GALNT13: variants seen among roughly 807,000 people sequenced by gnomAD.
GALNT13 encodes polypeptide N-acetylgalactosaminyltransferase 13, also known as UDP-GalNAc:polypeptide N-acetylgalactosaminyltransferase 13.
A neutral mutation model predicts 64.2 loss-of-function variants in GALNT13; 28 were observed. The observed-to-expected ratio is 0.44, with a 90% CI of 0.32 to 0.60. GALNT13 has a LOEUF of 0.60. GALNT13 is among the 20% of genes least tolerant of loss of function. The pLI is 0.05. For synonymous variants in GALNT13, 214 were observed against 224.6 expected, an observed-to-expected ratio of 0.95 and a Z score of 0.42; for missense variants, 577 against 669.8, an observed-to-expected ratio of 0.86 and a Z score of 1.53.
chr2:154,438,608 C>A lies in GALNT13; in HGVS notation c.1412C>A (p.Ala471Asp), dbSNP rs115389363. ...TATTTTCAGGTATTTTCTTACACTG[C>A]TGACAAAGAAATCCGAACCGATGAC... ...MGGNQVFSYTADKEIRTDDLC... is the reference protein window; with the variant it reads ...MGGNQVFSYTDDKEIRTDDLC... The change falls in exon 12 of 13, where the codon GCT (alanine) becomes GAT (aspartate). Residue 471 changes from alanine (A) to aspartate (D), a missense_variant. This residue lies in a region of GALNT13 where 232 missense variants were observed against 270.6 expected (regional missense o/e 0.86). Coordinates refer to ENST00000392825, the MANE Select transcript of GALNT13 (RefSeq NM_052917.4). 74 of 1,611,324 alleles carry A rather than the reference C, an allele frequency of 4.6e-5. No homozygotes were observed. The East Asian group carries it at 7.8e-4, about 17-fold the overall frequency.
At chr2:153,643,721 G>A in the GALNT13 span, among the ~76,000 whole-genome samples, 1 of 151,868 alleles carries the variant, frequency 6.6e-6, no homozygotes, top group African/African-American at 2.4e-5. Context: ...TTCACAAACT[G>A]TTCAGAGTAT....
chr2:153,927,511 C>T (rs1163185992), intron 2 of GALNT13, among the ~76,000 whole-genome samples: 2 of 151,860 alleles, frequency 1.3e-5, no homozygotes, highest in African/African-American at 2.4e-5. Context: ...GGATTATACA[C>T]TCCATTATAT....
the GALNT13 span, among the ~76,000 whole-genome samples, chr2:153,436,241 T>C: frequency 1.3e-5 from 2 of 152,248 alleles, no homozygotes; most frequent in African/African-American, 2.4e-5. Flanking sequence ...AGTATTTTAT[T>C]GAGGATTTTT....
At chr2:153,630,808 T>TTTATTTA in the GALNT13 span, among the ~76,000 whole-genome samples, 828 of 16,702 alleles carry the variant, frequency 0.05, 23 homozygotes, top group Non-Finnish European at 0.069. Context: ...TATATATATA[T>TTTATTTA]TTTTTTTTTT....
chr2:153,976,772 T>A, intron 3 of GALNT13, among the ~76,000 whole-genome samples: 1 of 152,104 alleles, frequency 6.6e-6, no homozygotes, highest in East Asian at 1.9e-4. Context: ...ACTAAGTGAT[T>A]AATTCCCACA....
intron 4 of GALNT13, among the ~76,000 whole-genome samples, chr2:154,206,801 A>AC (rs1262669065): frequency 1.7e-4 from 26 of 148,838 alleles, no homozygotes; most frequent in African/African-American, 6.1e-4. Flanking sequence ...AACAACAACA[A>AC]AAAAAAAAAA....
chr2:153,417,581 T>G, the GALNT13 span, among the ~76,000 whole-genome samples: 1 of 152,170 alleles, frequency 6.6e-6, no homozygotes, highest in Non-Finnish European at 1.5e-5. Context: ...TATCAGGATT[T>G]TCTGGTAAAA....
intron 4 of GALNT13, among the ~76,000 whole-genome samples, chr2:154,155,687 A>T (rs1684372920): frequency 6.6e-6 from 1 of 152,024 alleles, no homozygotes; most frequent in South Asian, 2.1e-4. Flanking sequence ...TAATATTCTC[A>T]TCAGCTTGCA....
chr2:154,145,514 G>T (rs1459833753), intron 4 of GALNT13, among the ~76,000 whole-genome samples: 1 of 151,886 alleles, frequency 6.6e-6, no homozygotes, highest in East Asian at 1.9e-4. Context: ...TCAAGGGCTG[G>T]TATTGAGTGT....
the GALNT13 span, among the ~76,000 whole-genome samples, chr2:153,391,766 T>C: frequency 4.6e-5 from 7 of 151,904 alleles, no homozygotes. Context: ...TTCTGTGCCC[T>C]TTTACTCACA....
At chr2:153,920,830 T>G (rs2105335796) in intron 2 of GALNT13, among the ~76,000 whole-genome samples, 1 of 152,022 alleles carries the variant, frequency 6.6e-6, no homozygotes, top group Admixed American at 6.6e-5. Flanking sequence ...GAACTGACAG[T>G]TTTCAAAAGA....
At chr2:153,608,897 G>T in the GALNT13 span, among the ~76,000 whole-genome samples, 3,238 of 146,414 alleles carry the variant, frequency 0.022, 118 homozygotes, top group African/African-American at 0.077. Context: ...CAAAAATCTA[G>T]AGTACAATTT....
At chr2:153,885,716 T>G (rs931388057) in intron 1 of GALNT13, among the ~76,000 whole-genome samples, 8 of 152,114 alleles carry the variant, frequency 5.3e-5, no homozygotes, top group Admixed American at 6.5e-5. Flanking sequence ...CATTTCAGTG[T>G]TCACAGATGT....
At chr2:153,466,207 C>G in the GALNT13 span, among the ~76,000 whole-genome samples, 1 of 152,054 alleles carries the variant, frequency 6.6e-6, no homozygotes, top group African/African-American at 2.4e-5. Flanking sequence ...TTAGAAAGAT[C>G]TTGCTTGTTA....
the GALNT13 span, among the ~76,000 whole-genome samples, chr2:153,322,933 A>G: frequency 6.6e-6 from 1 of 152,118 alleles, no homozygotes; most frequent in Non-Finnish European, 1.5e-5. Context: ...AGTCTTTGCT[A>G]TTGTGAATAG....
the GALNT13 span, among the ~76,000 whole-genome samples, chr2:153,430,802 T>A: frequency 6.6e-6 from 1 of 151,992 alleles, no homozygotes; most frequent in Non-Finnish European, 1.5e-5. Context: ...CCTCACCAGC[T>A]CTTATATTTC....
intron 8 of GALNT13, among the ~76,000 whole-genome samples, chr2:154,275,428 A>G (rs907958052): frequency 7.2e-5 from 11 of 152,122 alleles, no homozygotes; most frequent in Non-Finnish European, 1.3e-4. Context: ...TGCTCTAGCT[A>G]TGGGTAAAAG....
the GALNT13 span, among the ~76,000 whole-genome samples, chr2:153,103,775 G>C: frequency 6.6e-6 from 1 of 152,292 alleles, no homozygotes; most frequent in East Asian, 1.9e-4. Context: ...ATTCATGACT[G>C]CATCCCACAT....
chr2:153,557,324 C>T, the GALNT13 span, among the ~76,000 whole-genome samples: 1 of 152,160 alleles, frequency 6.6e-6, no homozygotes, highest in Non-Finnish European at 1.5e-5. Context: ...TGTAACTATA[C>T]TCTATGATGT....
Sources: allele counts gnomAD v4.1 joint callset (sites outside exome capture counted in the v4.1 genomes callset), GRCh38; gene constraint gnomAD v4.1.1; regional missense constraint gnomAD v4.1.1; transcripts MANE v1.5; gene names NCBI Gene and HGNC (gene_info 2026-07-23, HGNC 2026-07-21).